The following MVB12B variants were observed in gnomAD, a reference collection of about 807,000 sequenced individuals.
The protein encoded by MVB12B is multivesicular body subunit 12B.
A neutral mutation model predicts 41.6 loss-of-function variants in MVB12B; 16 were observed. The observed-to-expected ratio is 0.38, with a 90% CI of 0.26 to 0.58. The LOEUF (loss-of-function observed/expected upper bound fraction) is 0.58. Ranked by LOEUF, MVB12B falls within the 20% of genes least tolerant of loss-of-function variation. The probability of loss-of-function intolerance (pLI) is 0.62; values close to 1 mark genes in which losing one functional copy is unlikely to be tolerated. For missense variants in MVB12B, 274 were observed against 380.2 expected, an observed-to-expected ratio of 0.72 and a Z score of 2.32; for synonymous variants, 133 against 139.7, an observed-to-expected ratio of 0.95 and a Z score of 0.34.
intron 6 of MVB12B, among the ~76,000 whole-genome samples, chr9:126,403,694 A>G (rs573787412): frequency 6.6e-6 from 1 of 152,310 alleles, no homozygotes; most frequent in South Asian, 2.1e-4. Flanking sequence ...ATCTCATTCC[A>G]TGCTCACAGT....
chr9:126,359,093 C>G (rs984111910), intron 2 of MVB12B, among the ~76,000 whole-genome samples: 5 of 150,540 alleles, frequency 3.3e-5, no homozygotes, highest in Admixed American at 6.6e-5. Flanking sequence ...CAGGGTCTCA[C>G]TCTGTTGCCC....
intron 9 of MVB12B, among the ~76,000 whole-genome samples, chr9:126,487,306 C>T (rs572175180): frequency 7.2e-5 from 11 of 152,322 alleles, no homozygotes; most frequent in African/African-American, 1.7e-4. Flanking sequence ...CAGCCACCAC[C>T]GTCACCATCG....
intron 6 of MVB12B, among the ~76,000 whole-genome samples, chr9:126,398,604 G>A (rs1461142535): frequency 1.3e-5 from 2 of 152,164 alleles, no homozygotes; most frequent in African/African-American, 2.4e-5. Context: ...TGAGAACCAC[G>A]TCCAGTGCGG....
rs1434713643 is a variant in MVB12B, at chr9:126,457,499, C to T, written c.758-23870C>T. ...CTTCAAGACTTCCACCAATCCTAGC[C>T]ACCATGAATGTTATTTTTTTAAATT... is the stretch of plus-strand genomic sequence containing the variant. On this transcript the variant is annotated intron_variant, in intron 7 of 9. Transcript: ENST00000361171. Among the ~76,000 whole-genome samples the T allele has an allele frequency of 2.0e-5, 3 of 152,160 alleles. No homozygotes were observed. In the East Asian group the frequency reaches 5.8e-4, roughly 29 times the overall value.
At chr9:126,400,019 G>A (rs775318390) in intron 6 of MVB12B, among the ~76,000 whole-genome samples, 3 of 152,312 alleles carry the variant, frequency 2.0e-5, no homozygotes, top group South Asian at 2.1e-4. Flanking sequence ...GGCGGGGGTC[G>A]GAGCGTGGGT....
At position 126,392,959 on chromosome 9, in the gene MVB12B, G is replaced by C. The variant is rs542781145; in HGVS notation, c.539+764G>C. On this transcript the variant is annotated intron_variant, in intron 5 of 9. Coordinates refer to ENST00000361171, the MANE Select transcript of MVB12B (RefSeq NM_033446.3). The surrounding 1 kb of genome is among the most constrained non-coding windows in gnomAD (Gnocchi z 4.8). Reference sequence around the variant, plus strand: ...TTATTCCAAGCACGCTAGAAAGTCAGTGGAGGGCTCCAAGTCAGGAAGAAA... The same window carrying C: ...TTATTCCAAGCACGCTAGAAAGTCACTGGAGGGCTCCAAGTCAGGAAGAAA... Among the ~76,000 whole-genome samples, 6 of 152,362 alleles carry C rather than the reference G, an allele frequency of 3.9e-5. No homozygotes were observed. The highest frequency in any genetic ancestry group is 1.4e-4 in the African/African-American group (6 of 41,574).
chr9:126,461,848 C>T (rs1459079020), intron 7 of MVB12B, among the ~76,000 whole-genome samples: 4 of 85,678 alleles, frequency 4.7e-5, no homozygotes, highest in Non-Finnish European at 6.8e-5. Flanking sequence ...GGTCGGTGCC[C>T]GTGGGGGTTG....
intron 7 of MVB12B, among the ~76,000 whole-genome samples, chr9:126,462,473 T>C (rs148662761): frequency 7.7e-4 from 118 of 152,344 alleles, no homozygotes; most frequent in African/African-American, 2.8e-3. Context: ...TCACCATTAA[T>C]CTCTGCATAT....
Position 126,376,746 on chromosome 9 carries a change from C to G in MVB12B, c.205-4318C>G, listed in dbSNP as rs911904597. On this transcript the variant is annotated intron_variant, in intron 2 of 9. Transcript: ENST00000361171. The surrounding 1 kb of genome is among the most constrained non-coding windows in gnomAD (Gnocchi z 4.1). ...CTCCTCCCCCACCTCCTCCTGACCT[C>G]CAGCCTCCTTCCCCACCTGCCGGGC... is the stretch of plus-strand genomic sequence containing the variant. 2 of 1,231,730 alleles carry G rather than the reference C, an allele frequency of 1.6e-6. No homozygotes were observed. Among genetic ancestry groups the G allele is most frequent in the Admixed American group, 5.2e-5 (2 of 38,772 alleles). 76.3% of individuals were successfully genotyped at this position (1,231,730 alleles called of 1,614,324 possible). A position where few individuals can be genotyped will look rare whatever the true frequency, so the allele number is the denominator to read the frequency against.
intron 7 of MVB12B, among the ~76,000 whole-genome samples, chr9:126,443,826 C>G (rs528837293): frequency 6.6e-6 from 1 of 152,238 alleles, no homozygotes; most frequent in African/African-American, 2.4e-5. Context: ...AAACAAGATA[C>G]AGAATATAGC....
chr9:126,385,953 C>T (rs1396477247), intron 3 of MVB12B, among the ~76,000 whole-genome samples: 2 of 152,114 alleles, frequency 1.3e-5, no homozygotes, highest in East Asian at 1.9e-4. Context: ...CACTGTGGAC[C>T]CCATATACTA....
rs751172053 is a variant in MVB12B at position 126,386,649 on chromosome 9, G to A, written c.400G>A (p.Val134Met). The A allele has an allele frequency of 1.9e-6, 3 of 1,611,368 alleles. No individual in the cohort carries two copies. Among genetic ancestry groups the A allele is most frequent in the Non-Finnish European group, 1.7e-6 (2 of 1,177,584 alleles). Residue 134 changes from valine to methionine, a missense_variant, in exon 4 of 10, where the codon GTG (valine) becomes ATG (methionine). Physicochemically the swap from Val to Met is conservative, Grantham distance 21. Coordinates refer to ENST00000361171, the MANE Select transcript of MVB12B (RefSeq NM_033446.3). The surrounding 1 kb of genome is among the most constrained non-coding windows in gnomAD (Gnocchi z 4.3). ...GGGCTTCATCCCAATTCAGGAGACGGTGGACACACGTGAGTCATCCTTTAG... is the reference window on the plus strand; with the variant it reads ...GGGCTTCATCCCAATTCAGGAGACGATGGACACACGTGAGTCATCCTTTAG... ...PVGFIPIQETVDTQEVAFRKK... is the reference protein window; with the variant it reads ...PVGFIPIQETMDTQEVAFRKK...
At chr9:126,397,666 G>C in intron 6 of MVB12B, 2 of 984,224 alleles carry the variant, frequency 2.0e-6, no homozygotes, top group Non-Finnish European at 2.4e-6. Flanking sequence ...TTACAGGTAG[G>C]ATGCACACCT....
intron 2 of MVB12B, among the ~76,000 whole-genome samples, chr9:126,356,036 A>G (rs1183005955): frequency 6.6e-6 from 1 of 152,208 alleles, no homozygotes; most frequent in Non-Finnish European, 1.5e-5. Flanking sequence ...ATGGAATCAT[A>G]TAAGATGTGA....
chr9:126,503,049 C>T (rs1359788284), intron 9 of MVB12B, 128 bp from the exon 10 acceptor site: 9 of 827,766 alleles, frequency 1.1e-5, no homozygotes, highest in Non-Finnish European at 1.8e-5. Flanking sequence ...GCCTGGCCAG[C>T]TGCGCCATGT....
intron 9 of MVB12B, among the ~76,000 whole-genome samples, chr9:126,495,888 A>G (rs1368651492): frequency 1.3e-5 from 2 of 152,144 alleles, no homozygotes; most frequent in Admixed American, 1.3e-4. Flanking sequence ...AGAGAAACAG[A>G]CCAAATCACT....
At chr9:126,482,174 C>T (rs1466341119) in intron 8 of MVB12B, among the ~76,000 whole-genome samples, 1 of 124,096 alleles carries the variant, frequency 8.1e-6, no homozygotes. Context: ...TGGCGCCAGC[C>T]CCCAAGGTGG....
At chr9:126,427,317 G>A (rs774518178) in intron 7 of MVB12B, among the ~76,000 whole-genome samples, 1 of 152,136 alleles carries the variant, frequency 6.6e-6, no homozygotes, top group Non-Finnish European at 1.5e-5. Flanking sequence ...GTGGGTGTCA[G>A]GCACCTTATG....
chr9:126,394,630 CA>C (rs781021093), intron 5 of MVB12B, among the ~76,000 whole-genome samples: 3 of 152,198 alleles, frequency 2.0e-5, no homozygotes, highest in African/African-American at 4.8e-5. Context: ...ACATTGCAAA[CA>C]GCACCTCCAA....
Sources: allele counts gnomAD v4.1 joint callset (sites outside exome capture counted in the v4.1 genomes callset), GRCh38; gene constraint gnomAD v4.1.1; non-coding constraint Gnocchi (gnomAD v3.1); transcripts MANE v1.5; gene names NCBI Gene and HGNC (gene_info 2026-07-23, HGNC 2026-07-21).